Variants in AMOT observed in about 807,000 individuals in gnomAD.
AMOT encodes angiomotin.
In AMOT, 11 loss-of-function variants were observed where a neutral mutation model predicts 67.0. That is an observed-to-expected ratio of 0.16 (90% CI 0.10 to 0.27). The LOEUF (loss-of-function observed/expected upper bound fraction) is 0.27. AMOT is among the 10% of genes least tolerant of loss of function. The pLI, the probability that AMOT is intolerant of heterozygous loss-of-function variation, is 1.00. For synonymous variants in AMOT, 326 were observed against 321.4 expected, an observed-to-expected ratio of 1.01 and a Z score of -0.15; for missense variants, 753 against 852.0, an observed-to-expected ratio of 0.88 and a Z score of 1.45.
rs1219868052 is a variant in AMOT, at chrX:112,775,984, A to T, written c.*2583T>A. On this transcript the variant is annotated 3_prime_UTR_variant, in exon 14 of 14. Coordinates refer to ENST00000371959, the MANE Select transcript of AMOT (RefSeq NM_001113490.2). ...ACAAAAACTAGTGGAGATCTTCTGA[A>T]AAGGCTGTATCTATCTTCTGCATAA... is the stretch of plus-strand genomic sequence containing the variant. 3 of 112,290 alleles carry T rather than the reference A, an allele frequency of 2.7e-5. No homozygotes were observed. Among genetic ancestry groups the T allele is most frequent in the Non-Finnish European group, 5.6e-5 (3 of 53,197 alleles). The allele number at this position is 112,290 out of a possible 1,213,427, so 9.3% of individuals were successfully genotyped here.
At chrX:112,789,068 C>T (rs1157715409) in intron 10 of AMOT, among the ~76,000 whole-genome samples, 1 of 111,062 alleles carries the variant, frequency 9.0e-6, no homozygotes, top group East Asian at 2.8e-4. Flanking sequence ...CACCATGAAC[C>T]GTAGCTTTCT....
At position 112,789,302 on chromosome X, in the gene AMOT, C is replaced by A. The variant is rs905093275; in HGVS notation, c.2117+1290G>T. 8.1e-5 allele frequency among the ~76,000 whole-genome samples: 9 copies of A among 111,640 alleles called. No homozygotes were observed. The Admixed American group carries it at 8.6e-4, about 11-fold the overall frequency. On this transcript the variant is annotated intron_variant, in intron 10 of 13. Coordinates refer to ENST00000371959, the MANE Select transcript of AMOT (RefSeq NM_001113490.2). The stretch of plus-strand genomic sequence containing the variant: ...CTGCTTCTAACCTGCCTACAACCTT[C>A]GAGACCATCTTCTGGCAGAGCTGGG...
chrX:112,840,046 G>A (rs890285289), intron 1 of AMOT, among the ~76,000 whole-genome samples: 1 of 111,262 alleles, frequency 9.0e-6, no homozygotes, highest in African/African-American at 3.3e-5. Flanking sequence ...CCCACCCCAA[G>A]CCTAAGCACT....
At chrX:112,817,133 G>A (rs776004723) in intron 4 of AMOT, among the ~76,000 whole-genome samples, 1 of 112,145 alleles carries the variant, frequency 8.9e-6, no homozygotes, top group African/African-American at 3.2e-5. Context: ...ATGGCTAAGT[G>A]CATGGGATCT....
At chrX:112,792,272 G>A (rs781365959) in intron 8 of AMOT, among the ~76,000 whole-genome samples, 1 of 112,281 alleles carries the variant, frequency 8.9e-6, no homozygotes, top group South Asian at 3.7e-4. Flanking sequence ...ATGTTAGATG[G>A]CCAAGTTTTT....
chrX:112,817,255 A>G (rs2147817008), intron 4 of AMOT, among the ~76,000 whole-genome samples: 1 of 112,367 alleles, frequency 8.9e-6, no homozygotes, highest in African/African-American at 3.2e-5. Context: ...TCACAAATAA[A>G]TTGCAAAAAT....
intron 8 of AMOT, 49 bp downstream of exon 8, chrX:112,804,898 T>TGGCCCCCCC: frequency 4.8e-6 from 4 of 837,585 alleles, no homozygotes; most frequent in Non-Finnish European, 6.9e-6. Flanking sequence ...GTCCCCGATT[T>TGGCCCCCCC]CCCAGCCCTC....
chrX:112,805,343 A>C (rs1270142101), intron 7 of AMOT, among the ~76,000 whole-genome samples: 1 of 102,991 alleles, frequency 9.7e-6, no homozygotes, highest in African/African-American at 3.5e-5. Context: ...AACGTGTTCC[A>C]AAAATTATTA....
chrX:112,836,288 G>A (rs1207728415), intron 1 of AMOT, among the ~76,000 whole-genome samples: 6 of 111,545 alleles, frequency 5.4e-5, no homozygotes, highest in Non-Finnish European at 1.1e-4. Context: ...ACAAGAATGG[G>A]GGAGGGATAA....
chrX:112,823,322 G>A (rs1934762012), intron 3 of AMOT, 134 bp from the exon 4 acceptor site: 1 of 438,094 alleles, frequency 2.3e-6, no homozygotes, highest in Non-Finnish European at 3.9e-6. Flanking sequence ...AAAATTAATA[G>A]ATTGTTGGGG....
intron 1 of AMOT, among the ~76,000 whole-genome samples, chrX:112,833,478 A>AAG (rs1935049711): frequency 1.5e-5 from 1 of 66,918 alleles, no homozygotes; most frequent in Non-Finnish European, 2.8e-5. Context: ...CTGGGAGTAA[A>AAG]GGGGGGGGGG....
chrX:112,784,623 G>A (rs1003644074), intron 10 of AMOT, among the ~76,000 whole-genome samples: 4 of 111,839 alleles, frequency 3.6e-5, no homozygotes, highest in African/African-American at 1.3e-4. Context: ...GAGAGAGGTG[G>A]AGGAGAGCGA....
At chrX:112,834,750 A>G (rs917415727) in intron 1 of AMOT, among the ~76,000 whole-genome samples, 1 of 112,956 alleles carries the variant, frequency 8.9e-6, no homozygotes, top group South Asian at 3.6e-4. Flanking sequence ...GTGCATGCGC[A>G]CACACACAGA....
chrX:112,807,064 T>C (rs774267862), intron 7 of AMOT, among the ~76,000 whole-genome samples: 2 of 111,560 alleles, frequency 1.8e-5, no homozygotes, highest in Non-Finnish European at 3.8e-5. Flanking sequence ...TTTTGGGATT[T>C]TGTTTGCTTG....
Position 112,779,216 on chromosome X carries a change from G to A in AMOT, c.2938C>T (p.Pro980Ser). ...GGAACCGGAACCAGAGCCGGAGCTGGAACTGGAGCCGGAGCAGCTGGAGCA... is the reference window on the plus strand; with the variant it reads ...GGAACCGGAACCAGAGCCGGAGCTGAAACTGGAGCCGGAGCAGCTGGAGCA... The part of the protein sequence containing the change: ...QVAPAAPAPV[P>S]APALVPVPAP... Residue 980 changes from proline to serine, a missense_variant, in exon 13 of 14, where the codon CCA becomes TCA. Pro to Ser is a moderately conservative substitution (Grantham distance 74). Transcript: ENST00000371959. The A allele has an allele frequency of 2.8e-6, 2 of 716,714 alleles. No individual in the cohort carries two copies. The highest frequency in any genetic ancestry group is 4.5e-6 in the Non-Finnish European group (2 of 445,034). 59.1% of individuals were successfully genotyped at this position (716,714 alleles called of 1,213,427 possible). A position where few individuals can be genotyped will look rare whatever the true frequency, so the allele number is the denominator to read the frequency against.
chrX:112,814,470 C>T (rs28603267), intron 5 of AMOT, among the ~76,000 whole-genome samples: 1,227 of 108,608 alleles, frequency 0.011, 19 homozygotes, highest in African/African-American at 0.039. Context: ...CCCACCTTCA[C>T]CCTCACCTCT....
Position 112,776,658 on chromosome X carries a change from A to C in AMOT, c.*1909T>G, listed in dbSNP as rs1932947283. The C allele has an allele frequency of 8.9e-6, 1 of 111,859 alleles. No individual in the cohort carries two copies. The highest frequency in any genetic ancestry group is 3.3e-5 in the African/African-American group (1 of 30,674). The allele number at this position is 111,859 out of a possible 1,213,427, so 9.2% of individuals were successfully genotyped here. A position where few individuals can be genotyped will look rare whatever the true frequency, so the allele number is the denominator to read the frequency against. The stretch of plus-strand genomic sequence containing the variant: ...CAGAGGAACCCCAAAAGATTATCTA[A>C]GATACCCAATCTCCTAGAAAGAAGT... On this transcript the variant is annotated 3_prime_UTR_variant, in exon 14 of 14. Coordinates refer to ENST00000371959, the MANE Select transcript of AMOT (RefSeq NM_001113490.2).
intron 10 of AMOT, among the ~76,000 whole-genome samples, chrX:112,788,544 C>A (rs1459039738): frequency 4.5e-5 from 5 of 112,106 alleles, no homozygotes. Context: ...AGAAAACCAA[C>A]CTCCATGGTA....
At chrX:112,811,141 G>A (rs1225139279) in intron 6 of AMOT, 108 bp downstream of exon 6, 12 of 1,030,358 alleles carry the variant, frequency 1.2e-5, no homozygotes, top group East Asian at 3.1e-5. Context: ...TGCCCATACC[G>A]GTGGGTTGGA....
Sources: allele counts gnomAD v4.1 joint callset (sites outside exome capture counted in the v4.1 genomes callset), GRCh38; gene constraint gnomAD v4.1.1; transcripts MANE v1.5; gene names NCBI Gene and HGNC (gene_info 2026-07-23, HGNC 2026-07-21).